CDH18: variants seen among roughly 807,000 people sequenced by gnomAD.
CDH18 encodes cadherin-18.
A neutral mutation model predicts 67.9 loss-of-function variants in CDH18; 31 were observed. The ratio of observed to expected loss-of-function variants is 0.46; its 90% CI spans 0.34 to 0.62. The LOEUF (loss-of-function observed/expected upper bound fraction) is 0.62, where lower values mean the gene tolerates loss of function less well. Ranked by LOEUF, CDH18 falls within the 20% of genes least tolerant of loss-of-function variation. The pLI is 0.01. For missense variants in CDH18, 890 were observed against 975.5 expected (o/e 0.91, Z 1.17); for synonymous variants, 362 against 347.2 (o/e 1.04, Z -0.48).
At position 20,049,064 on chromosome 5, in the gene CDH18, G is replaced by A. The variant is rs984684227; in HGVS notation, c.-517-57050C>T. ...TGAAAATCTGCTTTATTTTTTTATC[G>A]TAGCTGTAGTATAAGCTGGTAATCA... On this transcript the variant is annotated intron_variant, in intron 2 of 14. Coordinates refer to the CDH18 transcript ENST00000507958. Among the ~76,000 whole-genome samples the A allele has an allele frequency of 9.2e-5, 14 of 151,562 alleles. No homozygotes were observed. The East Asian group carries it at 1.5e-3, about 17-fold the overall frequency.
chr5:20,289,115 T>C (rs1054779199), intron 1 of CDH18, among the ~76,000 whole-genome samples: 2 of 151,940 alleles, frequency 1.3e-5, no homozygotes, highest in African/African-American at 2.4e-5. Flanking sequence ...TTTCTACTCA[T>C]ATTTACCCAT....
chr5:20,546,593 G>A (rs562929192), intron 1 of CDH18, among the ~76,000 whole-genome samples: 51 of 152,118 alleles, frequency 3.4e-4, no homozygotes, highest in South Asian at 1.5e-3. Context: ...ATCGGTTCTC[G>A]CGATAACTCA....
intron 1 of CDH18, chr5:20,305,527 G>GGGTCTCGAGCGGCTGGT (rs1292388202): frequency 1.1e-6 from 1 of 887,020 alleles, no homozygotes; most frequent in Non-Finnish European, 1.9e-6. Context: ...AGCGGCGCAG[G>GGGTCTCGAGCGGCTGGT]GGTCTCGAGC....
intron 2 of CDH18, among the ~76,000 whole-genome samples, chr5:20,222,656 T>C (rs1390232830): frequency 6.6e-6 from 1 of 152,082 alleles, no homozygotes; most frequent in Non-Finnish European, 1.5e-5. Flanking sequence ...CTTATTTCAG[T>C]TTCCAAGAAT....
intron 5 of CDH18, among the ~76,000 whole-genome samples, chr5:19,685,452 T>C (rs1306642078): frequency 6.6e-6 from 1 of 152,228 alleles, no homozygotes; most frequent in Non-Finnish European, 1.5e-5. Context: ...TTTTCTGCCT[T>C]GGTGCGTTAT....
chr5:19,514,473 G>A (rs1341163884), intron 10 of CDH18, among the ~76,000 whole-genome samples: 2 of 152,170 alleles, frequency 1.3e-5, no homozygotes, highest in African/African-American at 4.8e-5. Flanking sequence ...CAGTGTAAAA[G>A]TGTTCCTATT....
intron 1 of CDH18, among the ~76,000 whole-genome samples, chr5:20,285,900 G>A (rs1052611684): frequency 7.3e-5 from 11 of 151,332 alleles, no homozygotes; most frequent in Non-Finnish European, 1.3e-4. Flanking sequence ...TCTGTATGTA[G>A]GTTAAATTTA....
intron 2 of CDH18, among the ~76,000 whole-genome samples, chr5:20,019,096 C>G (rs1368881876): frequency 7.0e-6 from 1 of 142,328 alleles, no homozygotes; most frequent in African/African-American, 2.7e-5. Context: ...CGCGCCCGGC[C>G]TAATAAGGCA....
chr5:19,722,251 G>A (rs1196876051), intron 4 of CDH18, among the ~76,000 whole-genome samples: 2 of 151,310 alleles, frequency 1.3e-5, no homozygotes, highest in African/African-American at 4.9e-5. Context: ...ACAGGGTTTC[G>A]CCATGTTGGC....
chr5:20,044,454 T>C (rs977951418), intron 2 of CDH18, among the ~76,000 whole-genome samples: 1 of 152,172 alleles, frequency 6.6e-6, no homozygotes, highest in Admixed American at 6.5e-5. Context: ...GCATCATTAT[T>C]CAATGTTCAC....
chr5:19,829,764 TCATGTCA>T (rs1780813388), intron 3 of CDH18, among the ~76,000 whole-genome samples: 2 of 151,820 alleles, frequency 1.3e-5, no homozygotes, highest in African/African-American at 4.8e-5. Context: ...GATGCAGGCA[TCATGTCA>T]CTCAACTTCA....
chr5:19,889,533 G>C (rs1379788786), intron 2 of CDH18, among the ~76,000 whole-genome samples: 2 of 151,842 alleles, frequency 1.3e-5, no homozygotes, highest in Non-Finnish European at 2.9e-5. Flanking sequence ...AATATCATTA[G>C]TTGATCTCAA....
At chr5:20,000,362 A>G (rs10473261) in intron 2 of CDH18, among the ~76,000 whole-genome samples, 16,606 of 152,236 alleles carry the variant, frequency 0.11, 2,495 homozygotes, top group African/African-American at 0.34. Context: ...TAAGAATAAA[A>G]AAGGGAAAAG....
At chr5:20,394,538 CAAAT>C (rs1346296041) in intron 1 of CDH18, among the ~76,000 whole-genome samples, 8 of 100,020 alleles carry the variant, frequency 8.0e-5, no homozygotes, top group Non-Finnish European at 4.4e-5. Flanking sequence ...TTATAACTAA[CAAAT>C]AGCCCAAAAG....
intron 1 of CDH18, among the ~76,000 whole-genome samples, chr5:20,560,033 T>C (rs1758114212): frequency 6.6e-6 from 1 of 152,128 alleles, no homozygotes. Flanking sequence ...TGACCCATGG[T>C]TTGGTTCAGC....
intron 5 of CDH18, among the ~76,000 whole-genome samples, chr5:19,687,806 T>A (rs1580874172): frequency 1.3e-5 from 2 of 152,260 alleles, no homozygotes. Flanking sequence ...TCACAACACA[T>A]TCACACATTC....
intron 1 of CDH18, among the ~76,000 whole-genome samples, chr5:20,571,400 T>C (rs1758811041): frequency 6.6e-6 from 1 of 152,078 alleles, no homozygotes; most frequent in Non-Finnish European, 1.5e-5. Flanking sequence ...CCTTAACATA[T>C]TTTATTTATG....
chr5:20,109,261 T>C (rs1747245396), intron 2 of CDH18, among the ~76,000 whole-genome samples: 1 of 152,194 alleles, frequency 6.6e-6, no homozygotes, highest in Admixed American at 6.5e-5. Flanking sequence ...GAAGTAGACA[T>C]CCTTTTACGA....
chr5:20,209,959 CATAT>C (rs1413581205), intron 2 of CDH18, among the ~76,000 whole-genome samples: 1 of 150,968 alleles, frequency 6.6e-6, no homozygotes, highest in Non-Finnish European at 1.5e-5. Context: ...TTTCATATAT[CATAT>C]ATAATTTAAG....
Sources: allele counts gnomAD v4.1 joint callset (sites outside exome capture counted in the v4.1 genomes callset), GRCh38; gene constraint gnomAD v4.1.1; transcripts MANE v1.5; gene names NCBI Gene and HGNC (gene_info 2026-07-23, HGNC 2026-07-21).